Variants in PARVA observed in about 807,000 individuals in gnomAD.
The protein encoded by PARVA is parvin alpha.
PARVA carries 25 observed loss-of-function variants against 52.6 expected under a neutral mutation model. The ratio of observed to expected loss-of-function variants is 0.48; its 90% CI spans 0.35 to 0.66. The LOEUF (loss-of-function observed/expected upper bound fraction) is 0.66, where lower values mean the gene tolerates loss of function less well. PARVA is among the 30% of genes least tolerant of loss of function. The probability of loss-of-function intolerance (pLI) is 0.01; values close to 1 mark genes in which losing one functional copy is unlikely to be tolerated. For synonymous variants in PARVA, 185 were observed against 179.1 expected (o/e 1.03, Z -0.26); for missense variants, 373 against 450.9 (o/e 0.83, Z 1.56).
Position 12,529,777 on chromosome 11 carries a change from T to A in PARVA, c.*1852T>A, listed in dbSNP as rs1941749108. On this transcript the variant is annotated 3_prime_UTR_variant, in exon 13 of 13. Coordinates refer to ENST00000334956, the MANE Select transcript of PARVA (RefSeq NM_018222.5). ...CTACATGTCTTTGCTCTTAGAATTGTCACTCAGCATAATGAGCATTTAACA... is the reference window on the plus strand; with the variant it reads ...CTACATGTCTTTGCTCTTAGAATTGACACTCAGCATAATGAGCATTTAACA... 6.6e-6 allele frequency: 1 copy of A among 152,262 alleles called. No homozygotes were observed. The highest frequency in any genetic ancestry group is 1.5e-5 in the Non-Finnish European group (1 of 68,044). The allele number at this position is 152,262 out of a possible 1,614,324, so 9.4% of individuals were successfully genotyped here.
At chr11:12,523,549 G>A (rs776189313) in intron 12 of PARVA, among the ~76,000 whole-genome samples, 51 of 152,130 alleles carry the variant, frequency 3.4e-4, no homozygotes, top group Non-Finnish European at 5.7e-4. Flanking sequence ...TTTGGCCTCT[G>A]CATCCTTTAG....
At chr11:12,505,856 G>A (rs1266576969) in intron 6 of PARVA, among the ~76,000 whole-genome samples, 1 of 152,198 alleles carries the variant, frequency 6.6e-6, no homozygotes, top group Non-Finnish European at 1.5e-5. Flanking sequence ...AATTAGGGAG[G>A]CAGAGATGAA....
intron 1 of PARVA, among the ~76,000 whole-genome samples, chr11:12,416,700 G>A (rs1940071939): frequency 6.6e-6 from 1 of 151,500 alleles, no homozygotes; most frequent in African/African-American, 2.4e-5. Flanking sequence ...ATTTTACAAA[G>A]AAAGGGAGAG....
intron 1 of PARVA, among the ~76,000 whole-genome samples, chr11:12,459,297 C>A (rs1051636947): frequency 2.0e-5 from 3 of 151,870 alleles, no homozygotes; most frequent in Non-Finnish European, 4.4e-5. Context: ...CCCAGCTACT[C>A]AGGAGGTTAA....
At chr11:12,517,323 C>T (rs1941581425) in intron 10 of PARVA, among the ~76,000 whole-genome samples, 1 of 139,482 alleles carries the variant, frequency 7.2e-6, no homozygotes, top group Non-Finnish European at 1.6e-5. Context: ...ACCCCCCACC[C>T]CCCACCATGC....
chr11:12,477,386 C>T (rs12289339), intron 3 of PARVA, among the ~76,000 whole-genome samples: 32,830 of 152,124 alleles, frequency 0.22, 4,223 homozygotes, highest in Middle Eastern at 0.31. Context: ...TGAACCACCA[C>T]GCCCAGCCTA....
chr11:12,513,220 C>A, intron 8 of PARVA, 79 bp from the exon 9 acceptor site: 2 of 1,190,758 alleles, frequency 1.7e-6, no homozygotes, highest in Admixed American at 3.4e-5. Flanking sequence ...TTGAGAGGCG[C>A]GTGGCTCTGG....
intron 1 of PARVA, among the ~76,000 whole-genome samples, chr11:12,445,102 T>G (rs1470631013): frequency 6.6e-6 from 1 of 152,164 alleles, no homozygotes; most frequent in East Asian, 1.9e-4. Flanking sequence ...TGATTGTATA[T>G]GTACTTGTTC....
chr11:12,493,753 C>A (rs924668728), intron 4 of PARVA, among the ~76,000 whole-genome samples: 10 of 152,180 alleles, frequency 6.6e-5, no homozygotes, highest in African/African-American at 2.4e-4. Flanking sequence ...ATGGAAAACA[C>A]ATTTCTCTAT....
rs2896610 is a variant in PARVA, at chr11:12,417,217, T to A, written c.136+39434T>A. ...ATAAATAGTTGGACGAGGTTGTAAA[T>A]CCTGTGTAGATAACAGCATTGTTCA... is the stretch of plus-strand genomic sequence containing the variant. On this transcript the variant is annotated intron_variant, in intron 1 of 12. Coordinates refer to ENST00000334956, the MANE Select transcript of PARVA (RefSeq NM_018222.5). Among the ~76,000 whole-genome samples, 344 of 152,290 alleles carry A rather than the reference T, an allele frequency of 2.3e-3. 1 individual carries two copies. Among genetic ancestry groups the A allele is most frequent in the African/African-American group, 8.0e-3 (334 of 41,554 alleles).
rs570842555 is a variant in PARVA at position 12,492,214 on chromosome 11, T to C, written c.401-4244T>C. ...GTCAGAACTTTTGACTACTGTTTCA[T>C]TGTTTTCTATATATAATCTCTCCAA... On this transcript the variant is annotated intron_variant, in intron 4 of 12. Transcript: ENST00000334956. Among the ~76,000 whole-genome samples the C allele has an allele frequency of 2.6e-5, 4 of 152,340 alleles. No individual in the cohort carries two copies. The South Asian group carries it at 6.2e-4, about 24-fold the overall frequency.
chr11:12,424,593 G>T (rs1043538944), intron 1 of PARVA, among the ~76,000 whole-genome samples: 5 of 152,176 alleles, frequency 3.3e-5, no homozygotes. Flanking sequence ...ACCAATACTA[G>T]TTGTCCAGTT....
At chr11:12,398,232 C>G (rs1184471107) in intron 1 of PARVA, 1 of 152,018 alleles carries the variant, frequency 6.6e-6, no homozygotes, top group Non-Finnish European at 1.5e-5. Flanking sequence ...GCCCCTGCAT[C>G]CTCCCGTTAC....
chr11:12,434,546 G>C (rs577428180), intron 1 of PARVA, among the ~76,000 whole-genome samples: 10 of 152,090 alleles, frequency 6.6e-5, no homozygotes, highest in African/African-American at 9.7e-5. Flanking sequence ...TTGCTCCCAT[G>C]GTTCATGGCT....
rs1014493595 is a variant in PARVA, at chr11:12,532,590, G to C, written c.*4665G>C. 6.6e-6 allele frequency among the ~76,000 whole-genome samples: 1 copy of C among 152,172 alleles called. No individual in the cohort carries two copies. Among genetic ancestry groups the C allele is most frequent in the African/African-American group, 2.4e-5 (1 of 41,434 alleles). On this transcript the variant is annotated 3_prime_UTR_variant, in exon 13 of 13. Coordinates refer to ENST00000334956, the MANE Select transcript of PARVA (RefSeq NM_018222.5). Reference sequence around the variant, plus strand: ...GACAGATGAAAAATAACTATGAATCGACGTTAGTTACAAATTGTGACTGTC... The same window carrying C: ...GACAGATGAAAAATAACTATGAATCCACGTTAGTTACAAATTGTGACTGTC...
intron 1 of PARVA, among the ~76,000 whole-genome samples, chr11:12,396,490 G>T (rs1356709157): frequency 1.3e-5 from 2 of 152,216 alleles, no homozygotes; most frequent in Non-Finnish European, 2.9e-5. Flanking sequence ...CCTGGGACAG[G>T]TTCATCATTC....
intron 5 of PARVA, among the ~76,000 whole-genome samples, chr11:12,503,951 T>TA (rs1405601622): frequency 1.3e-5 from 2 of 152,174 alleles, no homozygotes; most frequent in South Asian, 4.1e-4. Context: ...AGGGACCTTT[T>TA]ACTCATGGCA....
chr11:12,377,560 G>A (rs1183692982), upstream of PARVA: 12 of 1,488,244 alleles, frequency 8.1e-6, no homozygotes, highest in Non-Finnish European at 9.0e-6. Flanking sequence ...CGTTTGGAAA[G>A]CCGCAGCCTC....
At chr11:12,462,919 G>A (rs1051930235) in intron 1 of PARVA, among the ~76,000 whole-genome samples, 1 of 152,116 alleles carries the variant, frequency 6.6e-6, no homozygotes, top group Non-Finnish European at 1.5e-5. Context: ...TTTGCCTCCT[G>A]TCCAAATGCT....
Sources: gnomAD v4.1 joint callset for allele counts (sites outside exome capture counted in the v4.1 genomes callset) on GRCh38, gnomAD v4.1.1 for gene constraint, MANE v1.5 for transcripts, NCBI Gene and HGNC (gene_info 2026-07-23, HGNC 2026-07-21) for gene names.